Variants in GRM7 observed in about 807,000 individuals in gnomAD.
GRM7 encodes the protein glutamate metabotropic receptor 7.
GRM7 carries 35 observed loss-of-function variants against 84.5 expected under a neutral mutation model. The ratio of observed to expected loss-of-function variants is 0.41; its 90% CI spans 0.32 to 0.55. The LOEUF (loss-of-function observed/expected upper bound fraction) is 0.55, where lower values mean the gene tolerates loss of function less well. GRM7 is among the 20% of genes least tolerant of loss of function. The pLI, the probability that GRM7 is intolerant of heterozygous loss-of-function variation, is 0.19. For missense variants in GRM7, 1,003 were observed against 1,194.6 expected, an observed-to-expected ratio of 0.84 and a Z score of 2.36; for synonymous variants, 487 against 455.1, an observed-to-expected ratio of 1.07 and a Z score of -0.89.
intron 2 of GRM7, among the ~76,000 whole-genome samples, chr3:7,172,740 ATTACATCC>A (rs1411795365): frequency 6.6e-6 from 1 of 152,112 alleles, no homozygotes; most frequent in African/African-American, 2.4e-5. Context: ...CCTTTGAAGG[ATTACATCC>A]AGTGGTCCCA....
chr3:6,917,709 C>G (rs2125026470), intron 1 of GRM7, among the ~76,000 whole-genome samples: 1 of 151,918 alleles, frequency 6.6e-6, no homozygotes, highest in African/African-American at 2.4e-5. Flanking sequence ...ATGTTCTTGC[C>G]TAGAAATGAA....
At chr3:7,312,673 C>A (rs1201448131) in intron 4 of GRM7, among the ~76,000 whole-genome samples, 1 of 152,048 alleles carries the variant, frequency 6.6e-6, no homozygotes, top group Non-Finnish European at 1.5e-5. Flanking sequence ...ACCTTCCCTG[C>A]AGTTAGAGGA....
intron 1 of GRM7, among the ~76,000 whole-genome samples, chr3:6,996,020 T>C (rs559297855): frequency 6.6e-6 from 1 of 152,164 alleles, no homozygotes; most frequent in South Asian, 2.1e-4. Context: ...ATATGCCTGA[T>C]GACATGTCCT....
At chr3:7,516,102 C>T (rs1056050462) in intron 7 of GRM7, among the ~76,000 whole-genome samples, 2 of 148,468 alleles carry the variant, frequency 1.3e-5, no homozygotes, top group Admixed American at 6.8e-5. Context: ...AAGGTAGAGC[C>T]CGCAGTGAGT....
chr3:7,178,957 C>G (rs924235789), intron 2 of GRM7, among the ~76,000 whole-genome samples: 1 of 148,386 alleles, frequency 6.7e-6, no homozygotes, highest in Non-Finnish European at 1.5e-5. Flanking sequence ...AAAAAAAATA[C>G]AAGCTGGGTG....
chr3:7,612,219 G>C (rs1164699384), intron 8 of GRM7, among the ~76,000 whole-genome samples: 1 of 152,154 alleles, frequency 6.6e-6, no homozygotes, highest in African/African-American at 2.4e-5. Context: ...CATCACTTTT[G>C]GGTTACGTGC....
intron 4 of GRM7, among the ~76,000 whole-genome samples, chr3:7,399,167 AAAC>A (rs1462328914): frequency 1.7e-5 from 2 of 117,622 alleles, no homozygotes; most frequent in South Asian, 3.0e-4. Context: ...CCTATTTAAA[AAAC>A]AACAAGAACA....
chr3:6,947,732 G>T (rs1029166457), intron 1 of GRM7, among the ~76,000 whole-genome samples: 164 of 152,166 alleles, frequency 1.1e-3, no homozygotes, highest in Admixed American at 1.6e-3. Context: ...CAATTTCAGA[G>T]CCTGTTATTG....
At chr3:7,032,823 G>C (rs753470524) in intron 1 of GRM7, among the ~76,000 whole-genome samples, 3 of 152,126 alleles carry the variant, frequency 2.0e-5, no homozygotes, top group Non-Finnish European at 4.4e-5. Context: ...CATATTCCAA[G>C]ATACCAACTG....
chr3:6,920,705 C>A (rs191567565), intron 1 of GRM7, among the ~76,000 whole-genome samples: 270 of 152,254 alleles, frequency 1.8e-3, no homozygotes, highest in Middle Eastern at 3.4e-3. Context: ...CTCTAATACC[C>A]ATGATTTCCA....
intron 1 of GRM7, among the ~76,000 whole-genome samples, chr3:7,081,447 G>T (rs895854785): frequency 6.6e-6 from 1 of 152,052 alleles, no homozygotes; most frequent in African/African-American, 2.4e-5. Flanking sequence ...TCTTGTGTGT[G>T]TTCTGACTAT....
intron 2 of GRM7, among the ~76,000 whole-genome samples, chr3:7,242,558 G>A (rs1324145761): frequency 6.6e-6 from 1 of 152,124 alleles, no homozygotes; most frequent in Non-Finnish European, 1.5e-5. Flanking sequence ...TGCAATTGTT[G>A]AAATTGATGG....
chr3:7,160,711 C>A (rs1360600108), intron 2 of GRM7, among the ~76,000 whole-genome samples: 1 of 152,098 alleles, frequency 6.6e-6, no homozygotes, highest in Non-Finnish European at 1.5e-5. Flanking sequence ...TTAAAAAGAA[C>A]CTATTGGAGG....
chr3:7,138,595 T>C (rs575146602), intron 1 of GRM7, among the ~76,000 whole-genome samples: 3 of 151,994 alleles, frequency 2.0e-5, no homozygotes, highest in South Asian at 2.1e-4. Context: ...TGTTCATTAA[T>C]GTGTTACAGC....
intron 1 of GRM7, among the ~76,000 whole-genome samples, chr3:6,877,997 T>G (rs1413492790): frequency 6.6e-6 from 1 of 152,012 alleles, no homozygotes; most frequent in Non-Finnish European, 1.5e-5. Flanking sequence ...TCTACAGATA[T>G]ATTTGCTGAA....
chr3:7,107,978 T>C (rs995856459), intron 1 of GRM7, among the ~76,000 whole-genome samples: 1 of 151,812 alleles, frequency 6.6e-6, no homozygotes, highest in Non-Finnish European at 1.5e-5. Flanking sequence ...AAAAGCAAGA[T>C]GGGGAGAGAG....
chr3:7,190,133 G>A (rs1285220022), intron 2 of GRM7, among the ~76,000 whole-genome samples: 1 of 152,142 alleles, frequency 6.6e-6, no homozygotes, highest in Non-Finnish European at 1.5e-5. Flanking sequence ...CCATGGTGAA[G>A]GTGGTGATTA....
chr3:7,331,868 T>G (rs182876642), intron 4 of GRM7, among the ~76,000 whole-genome samples: 2 of 152,300 alleles, frequency 1.3e-5, no homozygotes, highest in Admixed American at 1.3e-4. Flanking sequence ...AATTATATTT[T>G]TTAAAGGTTC....
chr3:7,226,182 C>A (rs931288144), intron 2 of GRM7, among the ~76,000 whole-genome samples: 1 of 152,144 alleles, frequency 6.6e-6, no homozygotes, highest in African/African-American at 2.4e-5. Flanking sequence ...AATCACTGCA[C>A]ATTTAGCAAC....
Sources: allele counts gnomAD v4.1 joint callset (sites outside exome capture counted in the v4.1 genomes callset), GRCh38; gene constraint gnomAD v4.1.1; transcripts MANE v1.5; gene names NCBI Gene and HGNC (gene_info 2026-07-23, HGNC 2026-07-21).